R3HDM1: variants seen among roughly 807,000 people sequenced by gnomAD.
R3HDM1 encodes the protein R3H domain-containing protein 1.
A neutral mutation model predicts 141.1 loss-of-function variants in R3HDM1; 46 were observed. The ratio of observed to expected loss-of-function variants is 0.33; its 90% CI spans 0.26 to 0.42. The LOEUF (loss-of-function observed/expected upper bound fraction) is 0.42, where lower values mean the gene tolerates loss of function less well. R3HDM1 is among the 10% of genes least tolerant of loss of function. R3HDM1 has a pLI of 1.00. For missense variants in R3HDM1, 1,184 were observed against 1,368.3 expected (o/e 0.87, Z 2.12); for synonymous variants, 435 against 472.9 (o/e 0.92, Z 1.04).
At chr2:135,694,002 CA>C (rs201625279) in intron 21 of R3HDM1, among the ~76,000 whole-genome samples, 3 of 143,440 alleles carry the variant, frequency 2.1e-5, no homozygotes, top group Non-Finnish European at 1.5e-5. Context: ...GAAACTGCCT[CA>C]AAAAAAAAAG....
chr2:135,650,941 A>G, intron 17 of R3HDM1: 1 of 985,448 alleles, frequency 1.0e-6, no homozygotes, highest in Non-Finnish European at 1.2e-6. Flanking sequence ...TCTTGGGAAC[A>G]GGGAGCATTT....
At chr2:135,678,695 C>T (rs534595022) in intron 20 of R3HDM1, among the ~76,000 whole-genome samples, 1 of 151,856 alleles carries the variant, frequency 6.6e-6, no homozygotes, top group South Asian at 2.1e-4. Flanking sequence ...TTAACCCTCC[C>T]TATCATTACT....
chr2:135,673,413 AT>A (rs1171552960), intron 19 of R3HDM1, among the ~76,000 whole-genome samples: 1 of 152,142 alleles, frequency 6.6e-6, no homozygotes, highest in Admixed American at 6.5e-5. Flanking sequence ...TTCCTGTGTT[AT>A]TTTTTAAGGG....
intron 17 of R3HDM1, chr2:135,650,501 C>A (rs2065032466): frequency 2.0e-6 from 2 of 980,948 alleles, no homozygotes; most frequent in East Asian, 1.1e-4. Flanking sequence ...ATACTTTCTT[C>A]TATCCAAAGT....
chr2:135,715,845 C>G (rs2076107665), intron 24 of R3HDM1, 151 bp downstream of exon 24: 1 of 817,444 alleles, frequency 1.2e-6, no homozygotes, highest in African/African-American at 1.7e-5. Flanking sequence ...TGACCATATA[C>G]CCTCCTAACC....
At position 135,722,071 on chromosome 2, in the gene R3HDM1, G is replaced by C. The variant is rs563014603; in HGVS notation, c.2964+65G>C. ...CATCATAGCTCCCTCAGAGTGTAAG[G>C]GGCAACCCTGAGCCCACCTGTTGGC... is the stretch of plus-strand genomic sequence containing the variant. On this transcript the variant is annotated intron_variant, in intron 25 of 26. Coordinates refer to ENST00000683871, the MANE Select transcript of R3HDM1 (RefSeq NM_001378107.1). 7.6e-4 allele frequency: 1,139 copies of C among 1,500,298 alleles called. 4 individuals carry two copies. The highest frequency in any genetic ancestry group is 7.2e-4 in the South Asian group (63 of 87,308). The allele number at this position is 1,500,298 out of a possible 1,614,324, so 92.9% of individuals were successfully genotyped here.
intron 1 of R3HDM1, chr2:135,561,460 A>C (rs72988422): frequency 0.029 from 17,200 of 595,624 alleles, 922 homozygotes; most frequent in African/African-American, 0.18. Flanking sequence ...CTCACACTTG[A>C]AATCCCAGCG....
At chr2:135,663,091 A>G (rs1223668110) in intron 19 of R3HDM1, among the ~76,000 whole-genome samples, 2 of 150,182 alleles carry the variant, frequency 1.3e-5, no homozygotes, top group Admixed American at 6.7e-5. Context: ...ATCACTTTCA[A>G]TCACAGGTTG....
At chr2:135,622,553 G>A (rs763972849) in intron 6 of R3HDM1, 101 bp from the exon 7 acceptor site, 4 of 1,366,128 alleles carry the variant, frequency 2.9e-6, no homozygotes, top group Non-Finnish European at 2.8e-6. Context: ...TCAATGTGGG[G>A]CATCTTGTTT....
intron 1 of R3HDM1, among the ~76,000 whole-genome samples, chr2:135,576,252 G>T (rs1705394071): frequency 6.6e-6 from 1 of 152,026 alleles, no homozygotes; most frequent in South Asian, 2.1e-4. Flanking sequence ...AGGCATGGTG[G>T]CTTCTCAGGA....
At chr2:135,654,230 C>A (rs998241666) in intron 18 of R3HDM1, among the ~76,000 whole-genome samples, 1 of 151,824 alleles carries the variant, frequency 6.6e-6, no homozygotes, top group African/African-American at 2.4e-5. Context: ...CAACATGTTA[C>A]CTTTTGTGTC....
chr2:135,714,759 G>A (rs1215114715), intron 23 of R3HDM1, among the ~76,000 whole-genome samples: 1 of 103,752 alleles, frequency 9.6e-6, no homozygotes, highest in Non-Finnish European at 2.3e-5. Context: ...ATATATATGG[G>A]TGTATACACA....
At chr2:135,566,923 G>C in intron 1 of R3HDM1, 1 of 182,354 alleles carries the variant, frequency 5.5e-6, no homozygotes, top group Non-Finnish European at 1.0e-5. Flanking sequence ...ACTGAGCCGA[G>C]TACTGCCATT....
chr2:135,641,611 C>G lies in R3HDM1; in HGVS notation c.1295C>G (p.Ala432Gly). 2 of 1,614,168 alleles carry G rather than the reference C, an allele frequency of 1.2e-6. No homozygotes were observed. Among genetic ancestry groups the G allele is most frequent in the Non-Finnish European group, 1.7e-6 (2 of 1,180,014 alleles). ...SHIQQPLPGTALSQSSHGAPV... is the reference protein window; with the variant it reads ...SHIQQPLPGTGLSQSSHGAPV... ...ATCCAGCAGCCTCTTCCAGGTACAG[C>G]TCTCAGCCAGTCTTCTCATGGCGCA... Residue 432 changes from alanine to glycine, a missense_variant, in exon 15 of 27, where the codon GCT (alanine) becomes GGT (glycine). This residue lies in a region of R3HDM1 where 240 missense variants were observed against 312.3 expected (regional missense o/e 0.77). Coordinates refer to ENST00000683871, the MANE Select transcript of R3HDM1 (RefSeq NM_001378107.1).
At chr2:135,672,226 T>C (rs186314473) in intron 19 of R3HDM1, among the ~76,000 whole-genome samples, 74 of 152,350 alleles carry the variant, frequency 4.9e-4, no homozygotes, top group African/African-American at 1.8e-3. Context: ...AAGATATTAG[T>C]GTTTTTTCTC....
Position 135,641,538 on chromosome 2 carries a change from T to A in R3HDM1, c.1222T>A (p.Ser408Thr). 6.2e-7 allele frequency: 1 copy of A among 1,604,996 alleles called. No individual in the cohort carries two copies. The highest frequency in any genetic ancestry group is 8.5e-7 in the Non-Finnish European group (1 of 1,177,502). ...KSIGRLSKTG[S>T]ESSGSVGSST... is the part of the protein sequence containing the mutation. ...ATTTTTCATTACTCCTCTTCTAGGTTCTGAGTCTTCTGGTAGTGTAGGGTC... is the reference window on the plus strand; with the variant it reads ...ATTTTTCATTACTCCTCTTCTAGGTACTGAGTCTTCTGGTAGTGTAGGGTC... The change falls in exon 15 of 27, where the codon TCT (serine) becomes ACT (threonine). Residue 408 changes from serine to threonine, a missense_variant and splice_region_variant. By Grantham distance (58) the Ser-to-Thr change is moderately conservative. Transcript: ENST00000683871.
At chr2:135,568,815 G>A (rs1231897980) in intron 1 of R3HDM1, 1 of 152,202 alleles carries the variant, frequency 6.6e-6, no homozygotes, top group African/African-American at 2.4e-5. Context: ...GGCCGGTAAG[G>A]GAAATAGACT....
chr2:135,583,947 A>G (rs1574068593), intron 1 of R3HDM1: 7 of 985,316 alleles, frequency 7.1e-6, no homozygotes, highest in Non-Finnish European at 8.4e-6. Context: ...TGTAGAGTCA[A>G]TATACTTCTA....
intron 1 of R3HDM1, among the ~76,000 whole-genome samples, chr2:135,569,199 T>C (rs1161205746): frequency 2.0e-5 from 3 of 152,120 alleles, no homozygotes; most frequent in Admixed American, 2.0e-4. Flanking sequence ...AATTTCGCAA[T>C]TACTGCCAGG....
Sources: allele counts gnomAD v4.1 joint callset (sites outside exome capture counted in the v4.1 genomes callset), GRCh38; gene constraint gnomAD v4.1.1; regional missense constraint gnomAD v4.1.1; transcripts MANE v1.5; gene names NCBI Gene and HGNC (gene_info 2026-07-23, HGNC 2026-07-21).